Variants in NXPE4 observed in about 807,000 individuals in gnomAD.
The protein encoded by NXPE4 is neurexophilin and PC-esterase domain family member 4.
NXPE4 carries 42 observed loss-of-function variants against 33.3 expected under a neutral mutation model. That is an observed-to-expected ratio of 1.26 (90% confidence interval 0.98 to 1.63). The LOEUF (loss-of-function observed/expected upper bound fraction) is 1.63. NXPE4 is among the 40% of genes most tolerant of loss of function. The pLI is 0.00. For missense variants in NXPE4, 709 were observed against 647.6 expected, an observed-to-expected ratio of 1.09 and a Z score of -1.03; for synonymous variants, 253 against 234.9, an observed-to-expected ratio of 1.08 and a Z score of -0.71.
the NXPE4 span, among the ~76,000 whole-genome samples, chr11:114,654,569 G>A: frequency 2.6e-5 from 4 of 152,054 alleles, no homozygotes; most frequent in East Asian, 1.9e-4. Flanking sequence ...GAGAACATTC[G>A]GTGTTTGGCC....
chr11:114,667,682 A>G, the NXPE4 span, among the ~76,000 whole-genome samples: 4 of 152,090 alleles, frequency 2.6e-5, no homozygotes, highest in Non-Finnish European at 5.9e-5. Flanking sequence ...AGTGGCGAAG[A>G]ACTGAGACCT....
At chr11:114,668,316 A>G in the NXPE4 span, among the ~76,000 whole-genome samples, 2 of 151,938 alleles carry the variant, frequency 1.3e-5, no homozygotes, top group African/African-American at 4.8e-5. Context: ...TATTTCTGCT[A>G]GTGAACAGGC....
At chr11:114,625,686 T>A in the NXPE4 span, among the ~76,000 whole-genome samples, 33 of 152,014 alleles carry the variant, frequency 2.2e-4, no homozygotes, top group African/African-American at 6.8e-4. Context: ...GATGGCCGAG[T>A]AGGAACAGCC....
chr11:114,626,192 C>A, the NXPE4 span, among the ~76,000 whole-genome samples: 1 of 152,164 alleles, frequency 6.6e-6, no homozygotes, highest in East Asian at 1.9e-4. Flanking sequence ...AGGAGGGCTG[C>A]CTGCCTCTGT....
chr11:114,670,486 G>T, the NXPE4 span, among the ~76,000 whole-genome samples: 1 of 151,918 alleles, frequency 6.6e-6, no homozygotes, highest in African/African-American at 2.4e-5. Context: ...TTGAGGCTAG[G>T]AGTTGGAAAT....
chr11:114,571,289 AT>A lies in NXPE4; in HGVS notation c.1283del (p.Asn428IlefsTer36). 3 of 1,613,896 alleles carry A rather than the reference AT, an allele frequency of 1.9e-6. No individual in the cohort carries two copies. The highest frequency in any genetic ancestry group is 2.5e-6 in the Non-Finnish European group (3 of 1,179,906). The stretch of plus-strand genomic sequence containing the variant: ...GGCCCAGGGAAATAACAATGACAGT[AT>A]TTTTTTCTCCTCCAGTTCTGTCAAT... ...RAIDRTGGEK[N>X]TVIVISLGQH... On this transcript the variant is annotated frameshift_variant, in exon 6 of 6. Transcript: ENST00000375478. LOFTEE classifies it low-confidence loss of function (END_TRUNC).
the NXPE4 span, among the ~76,000 whole-genome samples, chr11:114,665,398 A>C: frequency 5.3e-5 from 8 of 152,292 alleles, no homozygotes; most frequent in South Asian, 1.4e-3. Flanking sequence ...AATTCTGTGA[A>C]CATAGCACAA....
chr11:114,577,024 T>C (rs199548897), intron 5 of NXPE4, among the ~76,000 whole-genome samples: 11 of 20,934 alleles, frequency 5.3e-4, no homozygotes, highest in South Asian at 1.8e-3. Flanking sequence ...TATATATATA[T>C]ATACATATAT....
At chr11:114,637,114 C>T in the NXPE4 span, among the ~76,000 whole-genome samples, 1 of 151,680 alleles carries the variant, frequency 6.6e-6, no homozygotes, top group Non-Finnish European at 1.5e-5. Flanking sequence ...CTTTGTAGGT[C>T]ACTCAGGACT....
the NXPE4 span, among the ~76,000 whole-genome samples, chr11:114,614,632 T>G: frequency 6.9e-6 from 1 of 144,644 alleles, no homozygotes. Flanking sequence ...CCTGGTGGAT[T>G]ATAAGTATTG....
At chr11:114,606,220 TGGG>T in the NXPE4 span, among the ~76,000 whole-genome samples, 18 of 151,920 alleles carry the variant, frequency 1.2e-4, no homozygotes, top group Non-Finnish European at 2.5e-4. Flanking sequence ...TATTGCCTCA[TGGG>T]TAACCACTGT....
the NXPE4 span, among the ~76,000 whole-genome samples, chr11:114,615,060 G>A: frequency 8.6e-5 from 13 of 151,938 alleles, no homozygotes; most frequent in African/African-American, 2.2e-4. Context: ...GTGTTGCCTC[G>A]TGGGTAACAA....
At chr11:114,662,617 C>G in the NXPE4 span, among the ~76,000 whole-genome samples, 1 of 152,128 alleles carries the variant, frequency 6.6e-6, no homozygotes, top group Admixed American at 6.6e-5. Flanking sequence ...GGCTGCACAG[C>G]TCACAGCTCC....
the NXPE4 span, among the ~76,000 whole-genome samples, chr11:114,639,992 G>T: frequency 1.8e-5 from 2 of 113,600 alleles, no homozygotes; most frequent in East Asian, 2.6e-4. Context: ...ATATAATAAT[G>T]TTATATAATG....
the NXPE4 span, among the ~76,000 whole-genome samples, chr11:114,614,534 G>A: frequency 1.2e-4 from 18 of 151,682 alleles, no homozygotes; most frequent in Non-Finnish European, 2.5e-4. Flanking sequence ...GGGAACCAGT[G>A]TTACCCAGTG....
At chr11:114,655,848 G>T in the NXPE4 span, among the ~76,000 whole-genome samples, 3 of 152,024 alleles carry the variant, frequency 2.0e-5, no homozygotes, top group Admixed American at 6.6e-5. Flanking sequence ...ATACTGAATG[G>T]GCAAAAGCTG....
Position 114,582,791 on chromosome 11 carries a change from A to C in NXPE4, c.327T>G (p.Asp109Glu). The C allele has an allele frequency of 6.2e-7, 1 of 1,613,984 alleles. No individual in the cohort carries two copies. The highest frequency in any genetic ancestry group is 8.5e-7 in the Non-Finnish European group (1 of 1,179,968). ...GCAGCTGGTCTCCCCTGCAGTACGT[A>C]TCTCGAGGGTTGAGGATGGTGGCTG... is the stretch of plus-strand genomic sequence containing the variant. ...HSTATILNPR[D>E]TYCRGDQLHI... The change falls in exon 3 of 6, where the codon GAT becomes GAG. Residue 109 changes from aspartate (D) to glutamate (E), a missense_variant. Asp to Glu is a conservative substitution (Grantham distance 45, BLOSUM62 2). Transcript: ENST00000375478.
chr11:114,608,260 G>C, the NXPE4 span, among the ~76,000 whole-genome samples: 20 of 150,824 alleles, frequency 1.3e-4, no homozygotes, highest in Non-Finnish European at 1.5e-5. Flanking sequence ...TAAAAGTTTT[G>C]CCTTGTGGGT....
the NXPE4 span, among the ~76,000 whole-genome samples, chr11:114,632,496 ATT>A: frequency 8.0e-6 from 1 of 125,596 alleles, no homozygotes; most frequent in Non-Finnish European, 1.6e-5. Flanking sequence ...CATAATATAT[ATT>A]ATAGTATTTT....
Sources: gnomAD v4.1 joint callset for allele counts (sites outside exome capture counted in the v4.1 genomes callset) on GRCh38, gnomAD v4.1.1 for gene constraint, MANE v1.5 for transcripts, NCBI Gene and HGNC (gene_info 2026-07-23, HGNC 2026-07-21) for gene names.